The following PLXNA4 variants were observed in gnomAD, a reference collection of about 807,000 sequenced individuals.
The protein encoded by PLXNA4 is plexin-A4.
A neutral mutation model predicts 191.8 loss-of-function variants in PLXNA4; 44 were observed. The observed-to-expected ratio is 0.23, with a 90% CI of 0.18 to 0.29. PLXNA4 has a LOEUF of 0.29. Ranked by LOEUF, PLXNA4 falls within the 10% of genes least tolerant of loss-of-function variation. The probability of loss-of-function intolerance (pLI) is 1.00; values close to 1 mark genes in which losing one functional copy is unlikely to be tolerated. For synonymous variants in PLXNA4, 1,082 were observed against 1,009.5 expected, an observed-to-expected ratio of 1.07 and a Z score of -1.36; for missense variants, 1,800 against 2,488.8, an observed-to-expected ratio of 0.72 and a Z score of 5.89.
At chr7:132,549,935 T>A (rs1000432795) in intron 1 of PLXNA4, among the ~76,000 whole-genome samples, 2 of 152,064 alleles carry the variant, frequency 1.3e-5, no homozygotes, top group African/African-American at 4.8e-5. Context: ...AGTTTGAAAA[T>A]TAGGCAGAAG....
intron 1 of PLXNA4, among the ~76,000 whole-genome samples, chr7:132,542,590 A>T (rs1245329439): frequency 6.6e-6 from 1 of 150,806 alleles, no homozygotes; most frequent in African/African-American, 2.5e-5. Flanking sequence ...TTCAAATAAT[A>T]CTTCTTCATT....
intron 1 of PLXNA4, among the ~76,000 whole-genome samples, chr7:132,540,139 C>T (rs1255529893): frequency 6.6e-6 from 1 of 152,188 alleles, no homozygotes; most frequent in Non-Finnish European, 1.5e-5. Context: ...ATCCTACTTA[C>T]AATGCCAGTG....
chr7:132,202,412 C>G (rs571583277), intron 12 of PLXNA4, among the ~76,000 whole-genome samples: 2 of 152,198 alleles, frequency 1.3e-5, no homozygotes, highest in Non-Finnish European at 2.9e-5. Context: ...TCCAACAGGA[C>G]AGTTGGGCCC....
At chr7:132,365,348 T>TGCGC (rs1328603703) in intron 3 of PLXNA4, among the ~76,000 whole-genome samples, 9 of 105,264 alleles carry the variant, frequency 8.5e-5, no homozygotes, top group African/African-American at 2.3e-4. Context: ...TGTGTGTGTG[T>TGCGC]GTGTGTGTGT....
At chr7:132,447,262 ACTGTGTCAGAACT>A (rs1485186345) in intron 3 of PLXNA4, among the ~76,000 whole-genome samples, 1 of 152,106 alleles carries the variant, frequency 6.6e-6, no homozygotes, top group African/African-American at 2.4e-5. Flanking sequence ...CAGTGCTCTC[ACTGTGTCAGAACT>A]CAGTGCCCTC....
intron 3 of PLXNA4, among the ~76,000 whole-genome samples, chr7:132,346,249 T>C (rs1803242245): frequency 6.6e-6 from 1 of 152,224 alleles, no homozygotes; most frequent in Non-Finnish European, 1.5e-5. Context: ...AGATATGTCA[T>C]AGCTTTAATG....
intron 3 of PLXNA4, among the ~76,000 whole-genome samples, chr7:132,423,522 C>G (rs961184593): frequency 6.6e-6 from 1 of 152,118 alleles, no homozygotes; most frequent in Non-Finnish European, 1.5e-5. Context: ...AGATTTGGGG[C>G]CAGAATATCA....
chr7:132,416,455 C>A (rs1794663890), intron 3 of PLXNA4, among the ~76,000 whole-genome samples: 1 of 152,190 alleles, frequency 6.6e-6, no homozygotes. Context: ...GGTCACATAG[C>A]CAGTTATGTC....
chr7:132,458,374 C>A (rs968636135), intron 3 of PLXNA4, among the ~76,000 whole-genome samples: 1 of 151,846 alleles, frequency 6.6e-6, no homozygotes, highest in Non-Finnish European at 1.5e-5. Flanking sequence ...GTATCAAGGG[C>A]AGCACTGTTC....
rs537983953 is a variant in PLXNA4 at position 132,165,953 on chromosome 7, C to T, written c.4287-753G>A. ...GTGGCTCTTGCCTGTAATCCCAGCA[C>T]TTTAGGAGGCCAAGGCAGGCAGATC... is the stretch of plus-strand genomic sequence containing the variant. On this transcript the variant is annotated intron_variant, in intron 22 of 31. Coordinates refer to ENST00000321063, the MANE Select transcript of PLXNA4 (RefSeq NM_020911.2). Among the ~76,000 whole-genome samples the T allele has an allele frequency of 2.6e-5, 4 of 152,264 alleles. No individual in the cohort carries two copies. In the East Asian group the frequency reaches 7.7e-4, roughly 29 times the overall value.
chr7:132,235,736 G>C (rs1798676975), intron 5 of PLXNA4, among the ~76,000 whole-genome samples: 1 of 152,196 alleles, frequency 6.6e-6, no homozygotes, highest in Non-Finnish European at 1.5e-5. Flanking sequence ...ACTGAGACAG[G>C]CTTCTTTGCC....
intron 4 of PLXNA4, among the ~76,000 whole-genome samples, chr7:132,276,498 G>A (rs1213690192): frequency 6.6e-6 from 1 of 152,014 alleles, no homozygotes; most frequent in Non-Finnish European, 1.5e-5. Context: ...GGTGCCTGCA[G>A]GAGGAGTGCC....
rs531496030 is a variant in PLXNA4, at chr7:132,444,882, G to A, written c.1371+44410C>T. ...GTTAAAACCCTTAAGATTGGTTCTC[G>A]GCTGGGCGCGGTGGCTCACTCCTGT... On this transcript the variant is annotated intron_variant, in intron 3 of 31. Transcript: ENST00000321063. 2.0e-4 allele frequency among the ~76,000 whole-genome samples: 30 copies of A among 152,052 alleles called. No homozygotes were observed. The South Asian group carries it at 5.8e-3, about 30-fold the overall frequency.
chr7:132,573,150 T>C (rs1802056368), intron 1 of PLXNA4, among the ~76,000 whole-genome samples: 1 of 152,102 alleles, frequency 6.6e-6, no homozygotes, highest in East Asian at 1.9e-4. Flanking sequence ...ACCTACTCAA[T>C]AGCCCAGGGT....
At chr7:132,577,111 G>T (rs1409314349), upstream of PLXNA4, 1 of 146,586 alleles carries the variant, frequency 6.8e-6, no homozygotes, top group South Asian at 1.8e-4. Flanking sequence ...GCGGGGCTGC[G>T]GCGGTGGTGG....
rs555085347 is a variant in PLXNA4 at position 132,475,773 on chromosome 7, G to A, written c.1371+13519C>T. Among the ~76,000 whole-genome samples, 8 of 152,244 alleles carry A rather than the reference G, an allele frequency of 5.3e-5. No individual in the cohort carries two copies. The South Asian group carries it at 6.2e-4, about 12-fold the overall frequency. On this transcript the variant is annotated intron_variant, in intron 3 of 31. Transcript: ENST00000321063. Reference sequence around the variant, plus strand: ...AAGGAGCACTTAAAAAAAAGCAACCGGGAGACTGATTCCCCCCACACCCAG... The same window carrying A: ...AAGGAGCACTTAAAAAAAAGCAACCAGGAGACTGATTCCCCCCACACCCAG...
At chr7:132,253,232 C>CTTTT (rs56010775) in intron 4 of PLXNA4, among the ~76,000 whole-genome samples, 5 of 134,468 alleles carry the variant, frequency 3.7e-5, no homozygotes, top group Admixed American at 7.5e-5. Flanking sequence ...TTTCTTTTTT[C>CTTTT]TTTTTTTTTT....
intron 3 of PLXNA4, among the ~76,000 whole-genome samples, chr7:132,426,375 G>A (rs1481173358): frequency 2.6e-5 from 4 of 152,194 alleles, no homozygotes; most frequent in South Asian, 2.1e-4. Flanking sequence ...GGACAGTATA[G>A]ATGTATTGTC....
intron 31 of PLXNA4, among the ~76,000 whole-genome samples, chr7:132,132,504 TC>T (rs1267126941): frequency 8.5e-6 from 1 of 117,042 alleles, no homozygotes; most frequent in Non-Finnish European, 2.0e-5. Flanking sequence ...TCTTTTCTAT[TC>T]TATTCTATTC....
Sources: allele counts gnomAD v4.1 joint callset (sites outside exome capture counted in the v4.1 genomes callset), GRCh38; gene constraint gnomAD v4.1.1; transcripts MANE v1.5; gene names NCBI Gene and HGNC (gene_info 2026-07-23, HGNC 2026-07-21).